NEK7: variants seen among roughly 807,000 people sequenced by gnomAD.
NEK7 encodes the protein serine/threonine-protein kinase Nek7.
Under a neutral mutation model 44.6 loss-of-function variants are expected in NEK7, and 18 were observed. That is an observed-to-expected ratio of 0.40 (90% CI 0.28 to 0.60). The LOEUF is 0.60. Among genes scored for constraint, NEK7 ranks in the 20% least tolerant of loss-of-function variants. The pLI is 0.38. For synonymous variants in NEK7, 130 were observed against 121.1 expected, an observed-to-expected ratio of 1.07 and a Z score of -0.48; for missense variants, 256 against 366.5, an observed-to-expected ratio of 0.70 and a Z score of 2.46.
chr1:198,220,727 T>A (rs1666058222), intron 1 of NEK7: 1 of 152,072 alleles, frequency 6.6e-6, no homozygotes, highest in Non-Finnish European at 1.5e-5. Flanking sequence ...GTTCAGACTC[T>A]GCCAAGTATC....
At chr1:198,299,408 G>T (rs548517155) in intron 9 of NEK7, among the ~76,000 whole-genome samples, 11 of 152,104 alleles carry the variant, frequency 7.2e-5, no homozygotes, top group Admixed American at 2.0e-4. Flanking sequence ...ATTTGGTAGT[G>T]CTATAATGTC....
At chr1:198,245,864 C>T (rs534912277) in intron 2 of NEK7, among the ~76,000 whole-genome samples, 15 of 151,986 alleles carry the variant, frequency 9.9e-5, no homozygotes, top group Non-Finnish European at 1.3e-4. Context: ...TTAAGAACAG[C>T]GAAACATCAG....
At position 198,312,526 on chromosome 1, in the gene NEK7, ATGTTAGGG is replaced by A. The variant is rs952139264; in HGVS notation, c.799-6882_799-6875del. On this transcript the variant is annotated intron_variant, in intron 9 of 9. Transcript: ENST00000367385. Reference sequence around the variant, plus strand: ...TGCTTTTCTAGTTCTTTTAATTGTGATGTTAGGGTGTCAGTTTTGGATCTTTCCTGGTT... The same window carrying A: ...TGCTTTTCTAGTTCTTTTAATTGTGATGTCAGTTTTGGATCTTTCCTGGTT... 4.6e-3 allele frequency among the ~76,000 whole-genome samples: 695 copies of A among 151,752 alleles called. 4 individuals are homozygous for A. The highest frequency in any genetic ancestry group is 0.016 in the African/African-American group (674 of 41,362).
At chr1:198,274,904 T>C (rs999630211) in intron 5 of NEK7, among the ~76,000 whole-genome samples, 2 of 151,796 alleles carry the variant, frequency 1.3e-5, no homozygotes, top group Admixed American at 1.3e-4. Context: ...GGATCAGCTA[T>C]AGCCCTTTTT....
At chr1:198,196,878 C>T (rs1391499328) in intron 1 of NEK7, among the ~76,000 whole-genome samples, 2 of 152,104 alleles carry the variant, frequency 1.3e-5, no homozygotes, top group African/African-American at 4.8e-5. Context: ...TGGGGTTGGT[C>T]AGTCTACAGA....
At chr1:198,313,068 G>A (rs1655241436) in intron 9 of NEK7, among the ~76,000 whole-genome samples, 2 of 151,984 alleles carry the variant, frequency 1.3e-5, no homozygotes, top group South Asian at 4.2e-4. Context: ...TAATGTGTGG[G>A]AGTCTAAGTC....
At chr1:198,198,527 C>T (rs983444384) in intron 1 of NEK7, among the ~76,000 whole-genome samples, 3 of 152,134 alleles carry the variant, frequency 2.0e-5, no homozygotes, top group Admixed American at 6.6e-5. Flanking sequence ...ACCCACATGT[C>T]GCTATGTAAA....
chr1:198,195,511 C>T (rs59322296), intron 1 of NEK7, among the ~76,000 whole-genome samples: 42,299 of 152,008 alleles, frequency 0.28, 6,336 homozygotes, highest in South Asian at 0.4. Flanking sequence ...CAAATTTTAA[C>T]TTGTCTTTGA....
chr1:198,278,879 A>G, intron 6 of NEK7, 75 bp from the exon 7 acceptor site: 1 of 757,644 alleles, frequency 1.3e-6, no homozygotes, highest in Non-Finnish European at 2.2e-6. Flanking sequence ...TTCTGTCACG[A>G]AAAGTAGTTG....
At chr1:198,258,173 C>G (rs920568445) in intron 3 of NEK7, among the ~76,000 whole-genome samples, 1 of 152,158 alleles carries the variant, frequency 6.6e-6, no homozygotes, top group African/African-American at 2.4e-5. Flanking sequence ...GGCACGGTGA[C>G]TCAACGCCTG....
intron 1 of NEK7, among the ~76,000 whole-genome samples, chr1:198,173,952 T>C (rs771827600): frequency 9.2e-5 from 14 of 152,200 alleles, no homozygotes; most frequent in Non-Finnish European, 1.0e-4. Context: ...TTCTAGTATA[T>C]GTTTATGTTT....
intron 1 of NEK7, among the ~76,000 whole-genome samples, chr1:198,161,331 T>C (rs1664095839): frequency 6.6e-6 from 1 of 152,222 alleles, no homozygotes; most frequent in African/African-American, 2.4e-5. Context: ...TAAATATTTC[T>C]GGCTTTGTGA....
At chr1:198,165,890 T>G (rs1664251434) in intron 1 of NEK7, among the ~76,000 whole-genome samples, 1 of 152,254 alleles carries the variant, frequency 6.6e-6, no homozygotes, top group Non-Finnish European at 1.5e-5. Flanking sequence ...ATCAATGATC[T>G]TAGCTAGATC....
chr1:198,197,571 A>G (rs1665279082), intron 1 of NEK7, among the ~76,000 whole-genome samples: 1 of 152,164 alleles, frequency 6.6e-6, no homozygotes, highest in Non-Finnish European at 1.5e-5. Flanking sequence ...TAGCTGTATG[A>G]TCTATCCAAG....
At chr1:198,178,164 G>C (rs1664660177) in intron 1 of NEK7, among the ~76,000 whole-genome samples, 1 of 151,974 alleles carries the variant, frequency 6.6e-6, no homozygotes, top group African/African-American at 2.4e-5. Flanking sequence ...ACACAGAGGA[G>C]TAGCAATATA....
intron 2 of NEK7, among the ~76,000 whole-genome samples, chr1:198,252,542 ATATATATATATATATATATATATAT>A (rs370774627): frequency 0.25 from 25,186 of 98,938 alleles, 4,029 homozygotes; most frequent in African/African-American, 0.48. Context: ...ATATATATAT[ATATATATATATATATATATATATAT>A]AAAAAGTACA....
rs141587463 is a variant in NEK7, at chr1:198,234,344, G to T, written c.57+1707G>T. The stretch of plus-strand genomic sequence containing the variant: ...AAGTCCCCATATATATTTATGTTAT[G>T]ATCATAAATTATCAAGATTATAATA... On this transcript the variant is annotated intron_variant, in intron 2 of 9. Coordinates refer to ENST00000367385, the MANE Select transcript of NEK7 (RefSeq NM_133494.3). Among the ~76,000 whole-genome samples the T allele has an allele frequency of 2.8e-3, 421 of 151,638 alleles. 3 individuals carry two copies. The highest frequency in any genetic ancestry group is 9.7e-3 in the African/African-American group (401 of 41,346).
chr1:198,278,744 C>T (rs576305406), intron 6 of NEK7, among the ~76,000 whole-genome samples: 17 of 151,952 alleles, frequency 1.1e-4, no homozygotes, highest in South Asian at 8.3e-4. Flanking sequence ...GTTCATCATG[C>T]TACATTGATG....
At chr1:198,162,395 T>C (rs145686440) in intron 1 of NEK7, among the ~76,000 whole-genome samples, 1 of 152,328 alleles carries the variant, frequency 6.6e-6, no homozygotes, top group Non-Finnish European at 1.5e-5. Flanking sequence ...GTGTTTACCA[T>C]GATGTGGAAA....
Sources: gnomAD v4.1 joint callset for allele counts (sites outside exome capture counted in the v4.1 genomes callset) on GRCh38, gnomAD v4.1.1 for gene constraint, MANE v1.5 for transcripts, NCBI Gene and HGNC (gene_info 2026-07-23, HGNC 2026-07-21) for gene names.